The following C4BPA variants were observed in gnomAD, a reference collection of about 807,000 sequenced individuals.
The protein encoded by C4BPA is C4b-binding protein alpha chain.
In C4BPA, 31 loss-of-function variants were observed where a neutral mutation model predicts 63.7. The observed-to-expected ratio is 0.49, with a 90% confidence interval of 0.37 to 0.66. C4BPA has a LOEUF of 0.66. C4BPA is among the 30% of genes least tolerant of loss of function. The pLI is 0.00. For missense variants in C4BPA, 572 were observed against 723.3 expected (o/e 0.79, Z 2.40); for synonymous variants, 259 against 254.7 (o/e 1.02, Z -0.16).
chr1:207,127,628 GAGTTT>G (rs1685074187), intron 7 of C4BPA: 1 of 152,236 alleles, frequency 6.6e-6, no homozygotes, highest in Non-Finnish European at 1.5e-5. Context: ...AGTGGTGGAG[GAGTTT>G]GGGGAAACCT....
chr1:207,131,457 AC>A, intron 7 of C4BPA, 88 bp from the exon 8 acceptor site: 1 of 854,414 alleles, frequency 1.2e-6, no homozygotes, highest in Non-Finnish European at 1.8e-6. Flanking sequence ...TGAACGTATG[AC>A]CCCCTTTGAT....
At chr1:207,114,385 T>A in intron 3 of C4BPA, 100 bp downstream of exon 3, 1 of 926,726 alleles carries the variant, frequency 1.1e-6, no homozygotes, top group Non-Finnish European at 1.6e-6. Flanking sequence ...AGAAGACAGT[T>A]TGTCAATTAC....
chr1:207,114,166 G>C lies in C4BPA; in HGVS notation c.209G>C (p.Arg70Pro). ...ATGGATATTACGTTGACTGAGACAC[G>C]CTTCAAAACTGGAACTACTCTGAAA... ...APMDITLTET[R>P]FKTGTTLKYT... Residue 70 changes from arginine (R) to proline (P), a missense_variant, in exon 3 of 12, where the codon CGC (arginine) becomes CCC (proline). Transcript: ENST00000367070. 1.2e-6 allele frequency: 2 copies of C among 1,613,708 alleles called. No individual in the cohort carries two copies. The highest frequency in any genetic ancestry group is 8.5e-7 in the Non-Finnish European group (1 of 1,179,802).
Position 207,115,428 on chromosome 1 carries a change from G to C in C4BPA, c.341G>C (p.Arg114Thr). Reference sequence around the variant, plus strand: ...ATTTTTCTCCCAGACAAACGATGCAGACACCCAGGAGAGTTACGTAATGGG... The same window carrying C: ...ATTTTTCTCCCAGACAAACGATGCACACACCCAGGAGAGTTACGTAATGGG... ...YNTFCIYKRC[R>T]HPGELRNGQV... Residue 114 changes from arginine (R) to threonine (T), a missense_variant, in exon 4 of 12, where the codon AGA (arginine) becomes ACA (threonine). Coordinates refer to ENST00000367070, the MANE Select transcript of C4BPA (RefSeq NM_000715.4). 2 of 1,584,780 alleles carry C rather than the reference G, an allele frequency of 1.3e-6. No individual in the cohort carries two copies. The highest frequency in any genetic ancestry group is 1.7e-6 in the Non-Finnish European group (2 of 1,166,994).
intron 2 of C4BPA, among the ~76,000 whole-genome samples, chr1:207,113,703 T>A (rs540460446): frequency 6.6e-6 from 1 of 152,356 alleles, no homozygotes; most frequent in Non-Finnish European, 1.5e-5. Context: ...GTTATTTGAA[T>A]ACAATAATAT....
chr1:207,142,844 T>C (rs1413686411), intron 10 of C4BPA, among the ~76,000 whole-genome samples: 3 of 152,092 alleles, frequency 2.0e-5, no homozygotes, highest in African/African-American at 4.8e-5. Context: ...AACAACATGC[T>C]GGAGAGGATG....
In C4BPA at chr1:207,119,361, C is replaced by T. The variant is rs1220256295; in HGVS notation, c.428+3846C>T. On this transcript the variant is annotated intron_variant, in intron 4 of 11. Coordinates refer to ENST00000367070, the MANE Select transcript of C4BPA (RefSeq NM_000715.4). ...TATGGCTCTACTAATTCACATCTAC[C>T]GTCTTTTATGGGCCATACTAACTTG... Among the ~76,000 whole-genome samples, 6 of 92,690 alleles carry T rather than the reference C, an allele frequency of 6.5e-5. 2 individuals carry two copies. Among genetic ancestry groups the T allele is most frequent in the African/African-American group, 1.5e-4 (5 of 33,208 alleles). 60.8% of individuals were successfully genotyped at this position (92,690 alleles called of 152,430 possible). A position where few individuals can be genotyped will look rare whatever the true frequency, so the allele number is the denominator to read the frequency against.
chr1:207,123,497 G>A (rs1344281633), intron 4 of C4BPA, among the ~76,000 whole-genome samples: 2 of 152,204 alleles, frequency 1.3e-5, no homozygotes, highest in Admixed American at 6.5e-5. Flanking sequence ...AAAAATGGAA[G>A]TGGTGAACTG....
rs749252345 is a variant in C4BPA at position 207,143,850 on chromosome 1, A to G, written c.1477A>G (p.Arg493Gly). Reference protein sequence around the residue: ...LCRKPELVNGRLSVDKDQYVE... With the variant: ...LCRKPELVNGGLSVDKDQYVE... ...TCGGAAACCAGAATTAGTGAATGGAAGGTTGTCTGTGGATAAGGATCAGTA... is the reference window on the plus strand; with the variant it reads ...TCGGAAACCAGAATTAGTGAATGGAGGGTTGTCTGTGGATAAGGATCAGTA... The change falls in exon 11 of 12, where the codon AGG becomes GGG. Residue 493 changes from arginine to glycine, a missense_variant. This residue lies in a region of C4BPA where 465 missense variants were observed against 629.4 expected (regional missense o/e 0.74). Transcript: ENST00000367070. 6.2e-7 allele frequency: 1 copy of G among 1,613,456 alleles called. No individual in the cohort carries two copies. Among genetic ancestry groups the G allele is most frequent in the South Asian group, 1.1e-5 (1 of 91,048 alleles).
chr1:207,113,356 A>G (rs1239228925), intron 2 of C4BPA, among the ~76,000 whole-genome samples, 189 bp downstream of exon 2: 2 of 152,224 alleles, frequency 1.3e-5, no homozygotes, highest in Non-Finnish European at 2.9e-5. Context: ...TGTTATAGAC[A>G]CTTTCCCCTA....
intron 9 of C4BPA, among the ~76,000 whole-genome samples, chr1:207,140,152 C>A (rs1449746818): frequency 6.6e-6 from 1 of 152,160 alleles, no homozygotes; most frequent in Non-Finnish European, 1.5e-5. Flanking sequence ...ATCAGTGAAC[C>A]TTTTTCATTA....
chr1:207,140,010 C>G (rs969297098), intron 9 of C4BPA, among the ~76,000 whole-genome samples: 3 of 152,146 alleles, frequency 2.0e-5, no homozygotes, highest in African/African-American at 7.2e-5. Flanking sequence ...GTTTTCACCC[C>G]TAAGAATGCT....
intron 9 of C4BPA, among the ~76,000 whole-genome samples, chr1:207,137,721 G>C (rs1480145319): frequency 6.6e-6 from 1 of 152,128 alleles, no homozygotes; most frequent in South Asian, 2.1e-4. Context: ...GGGTTCAAGA[G>C]ATTCTTGTGC....
chr1:207,139,873 AG>A (rs1685375731), intron 9 of C4BPA, among the ~76,000 whole-genome samples: 1 of 152,136 alleles, frequency 6.6e-6, no homozygotes, highest in African/African-American at 2.4e-5. Flanking sequence ...AAACTGTCCT[AG>A]GTTTATATAT....
At chr1:207,142,880 T>C (rs888599190) in intron 10 of C4BPA, among the ~76,000 whole-genome samples, 17 of 152,096 alleles carry the variant, frequency 1.1e-4, no homozygotes, top group Non-Finnish European at 2.4e-4. Flanking sequence ...ACTTTTACAC[T>C]GTTGGTGGGA....
At chr1:207,110,546 T>C (rs1304874834) in intron 1 of C4BPA, among the ~76,000 whole-genome samples, 1 of 152,114 alleles carries the variant, frequency 6.6e-6, no homozygotes, top group Non-Finnish European at 1.5e-5. Context: ...TCCCAGCACT[T>C]TGGGAGGCCG....
intron 3 of C4BPA, chr1:207,114,762 G>A: frequency 6.1e-6 from 1 of 162,906 alleles, no homozygotes; most frequent in Non-Finnish European, 1.3e-5. Context: ...CCAAAGTGCT[G>A]ATATTACAGG....
intron 8 of C4BPA, among the ~76,000 whole-genome samples, chr1:207,133,684 G>A (rs1388971768): frequency 6.6e-6 from 1 of 152,166 alleles, no homozygotes; most frequent in Non-Finnish European, 1.5e-5. Flanking sequence ...AATTGCTTGA[G>A]CCCAGGAGTT....
Position 207,116,054 on chromosome 1 carries a change from C to T in C4BPA, c.428+539C>T, listed in dbSNP as rs190751097. Among the ~76,000 whole-genome samples, 206 of 152,246 alleles carry T rather than the reference C, an allele frequency of 1.4e-3. 1 individual carries two copies. The highest frequency in any genetic ancestry group is 4.5e-3 in the African/African-American group (189 of 41,544). ...CTGCAGGATAGCTTCCTAGAGGAGG[C>T]CTTTCTGGCTCAAAGAGTATGTATA... On this transcript the variant is annotated intron_variant, in intron 4 of 11. Transcript: ENST00000367070.
Sources: allele counts gnomAD v4.1 joint callset (sites outside exome capture counted in the v4.1 genomes callset), GRCh38; gene constraint gnomAD v4.1.1; regional missense constraint gnomAD v4.1.1; transcripts MANE v1.5; gene names NCBI Gene and HGNC (gene_info 2026-07-23, HGNC 2026-07-21).